Variants in ZNF618 observed in about 807,000 individuals in gnomAD.
The protein encoded by ZNF618 is neural precursor cell expressed, developmentally down-regulated 10.
Under a neutral mutation model 103.0 loss-of-function variants are expected in ZNF618, and 34 were observed. The ratio of observed to expected loss-of-function variants is 0.33; its 90% CI spans 0.25 to 0.44. The LOEUF is 0.44. Ranked by LOEUF, ZNF618 falls within the 20% of genes least tolerant of loss-of-function variation. The pLI, the probability that ZNF618 is intolerant of heterozygous loss-of-function variation, is 1.00. For synonymous variants in ZNF618, 551 were observed against 542.2 expected, an observed-to-expected ratio of 1.02 and a Z score of -0.23; for missense variants, 1,059 against 1,295.4, an observed-to-expected ratio of 0.82 and a Z score of 2.80.
At chr9:114,030,820 C>T (rs1245076008) in intron 11 of ZNF618, 1 of 152,162 alleles carries the variant, frequency 6.6e-6, no homozygotes, top group Non-Finnish European at 1.5e-5. Context: ...GTACTTGTGG[C>T]AAGGAAAGCT....
rs892877498 is a variant in ZNF618, at chr9:114,050,452, A to G, written c.*285A>G. The G allele has an allele frequency of 2.1e-3, 628 of 300,040 alleles. 1 individual carries two copies. Among genetic ancestry groups the G allele is most frequent in the African/African-American group, 0.01 (473 of 45,528 alleles). 18.6% of individuals were successfully genotyped at this position (300,040 alleles called of 1,614,324 possible). A position where few individuals can be genotyped will look rare whatever the true frequency, so the allele number is the denominator to read the frequency against. The stretch of plus-strand genomic sequence containing the variant: ...AAACTTTGCACACACGCACACACAC[A>G]CACACACACACACACACACACACGA... On this transcript the variant is annotated 3_prime_UTR_variant, in exon 15 of 15. Transcript: ENST00000374126.
At chr9:113,924,274 C>G (rs1046078349) in intron 1 of ZNF618, among the ~76,000 whole-genome samples, 2 of 151,802 alleles carry the variant, frequency 1.3e-5, no homozygotes, top group African/African-American at 4.8e-5. Context: ...GGAATTGGTC[C>G]ATTTTATCTA....
intron 6 of ZNF618, 79 bp downstream of exon 6, chr9:114,002,741 C>T: frequency 1.3e-6 from 2 of 1,509,138 alleles, no homozygotes; most frequent in Middle Eastern, 3.7e-4. Flanking sequence ...TTGTCCCCTC[C>T]CCCAGAACTG....
Position 114,015,971 on chromosome 9 carries a change from A to G in ZNF618, c.755-724A>G. 3 of 707,636 alleles carry G rather than the reference A, an allele frequency of 4.2e-6. No individual in the cohort carries two copies. The South Asian group carries it at 5.7e-5, about 13-fold the overall frequency. The allele number at this position is 707,636 out of a possible 1,614,324, so 43.8% of individuals were successfully genotyped here. A position where few individuals can be genotyped will look rare whatever the true frequency, so the allele number is the denominator to read the frequency against. On this transcript the variant is annotated intron_variant, in intron 9 of 14. Coordinates refer to ENST00000374126, the MANE Select transcript of ZNF618 (RefSeq NM_001318042.2). ...GTGAGAGAAGCGCACCCCAGATGAG[A>G]CAGAATGAAGAGTGGGGACCAGGGC...
chr9:114,041,172 G>A (rs1845143170), intron 13 of ZNF618, among the ~76,000 whole-genome samples: 1 of 152,096 alleles, frequency 6.6e-6, no homozygotes, highest in African/African-American at 2.4e-5. Context: ...CCTTTTTGAT[G>A]GGGTTGTTTT....
chr9:114,015,977 T>C lies in ZNF618; in HGVS notation c.755-718T>C, dbSNP rs1008550996. 17 of 729,426 alleles carry C rather than the reference T, an allele frequency of 2.3e-5. No individual in the cohort carries two copies. In the African/African-American group the frequency reaches 2.9e-4, roughly 12 times the overall value. The allele number at this position is 729,426 out of a possible 1,614,324, so 45.2% of individuals were successfully genotyped here. On this transcript the variant is annotated intron_variant, in intron 9 of 14. Coordinates refer to ENST00000374126, the MANE Select transcript of ZNF618 (RefSeq NM_001318042.2). Reference sequence around the variant, plus strand: ...GAAGCGCACCCCAGATGAGACAGAATGAAGAGTGGGGACCAGGGCACCCTC... The same window carrying C: ...GAAGCGCACCCCAGATGAGACAGAACGAAGAGTGGGGACCAGGGCACCCTC...
At chr9:114,011,109 G>A (rs1397920865) in intron 9 of ZNF618, among the ~76,000 whole-genome samples, 1 of 152,188 alleles carries the variant, frequency 6.6e-6, no homozygotes, top group Non-Finnish European at 1.5e-5. Flanking sequence ...ACCGAAATAG[G>A]ACTCCCAGCT....
intron 13 of ZNF618, among the ~76,000 whole-genome samples, chr9:114,044,582 A>G (rs1422279699): frequency 2.0e-5 from 3 of 152,088 alleles, no homozygotes; most frequent in Non-Finnish European, 4.4e-5. Flanking sequence ...GTGAAGAATA[A>G]TGATGTTGTT....
intron 1 of ZNF618, among the ~76,000 whole-genome samples, chr9:113,956,918 GTT>G (rs1836360000): frequency 6.6e-6 from 1 of 152,226 alleles, no homozygotes; most frequent in African/African-American, 2.4e-5. Flanking sequence ...AGTTCTGAGA[GTT>G]TTATGTATTA....
intron 1 of ZNF618, among the ~76,000 whole-genome samples, chr9:113,925,785 G>A (rs1245704871): frequency 6.6e-6 from 1 of 152,054 alleles, no homozygotes; most frequent in East Asian, 1.9e-4. Flanking sequence ...TTATAACAGA[G>A]TAGTCCCAAT....
intron 1 of ZNF618, among the ~76,000 whole-genome samples, chr9:113,924,592 T>G (rs1300528518): frequency 6.6e-6 from 1 of 151,602 alleles, no homozygotes; most frequent in East Asian, 1.9e-4. Flanking sequence ...TGCCTTTGGT[T>G]TATATTGTTC....
Position 114,048,988 on chromosome 9 carries a change from C to T in ZNF618, c.1686C>T (p.Ser562=), listed in dbSNP as rs41277731. ...TCHSQSVGPD[S]CYILTAYQAE... ...ACTCCCAGAGTGTTGGCCCTGACTC[C>T]TGCTACATCCTCACAGCCTACCAGG... The change falls in exon 15 of 15, where the codon TCC becomes TCT. Residue 562 remains serine (S), a synonymous_variant. Coordinates refer to ENST00000374126, the MANE Select transcript of ZNF618 (RefSeq NM_001318042.2). The T allele has an allele frequency of 4.8e-3, 7,714 of 1,613,336 alleles. 24 individuals are homozygous for T. The highest frequency in any genetic ancestry group is 0.017 in the Middle Eastern group (104 of 6,060).
chr9:113,936,297 A>C (rs924529074), intron 1 of ZNF618, among the ~76,000 whole-genome samples: 1 of 152,232 alleles, frequency 6.6e-6, no homozygotes, highest in Non-Finnish European at 1.5e-5. Context: ...TCAGTTCAAA[A>C]CTAGGAACAA....
intron 1 of ZNF618, among the ~76,000 whole-genome samples, chr9:113,960,932 C>T (rs758786822): frequency 2.6e-5 from 4 of 152,184 alleles, no homozygotes; most frequent in Non-Finnish European, 2.9e-5. Flanking sequence ...GTGGGTTGGG[C>T]CCTTCCTTCA....
Position 114,036,197 on chromosome 9 carries a change from C to A in ZNF618, c.1169-103C>A. 4 of 1,050,132 alleles carry A rather than the reference C, an allele frequency of 3.8e-6. No individual in the cohort carries two copies. The South Asian group carries it at 4.4e-5, about 11-fold the overall frequency. The allele number at this position is 1,050,132 out of a possible 1,614,324, so 65.1% of individuals were successfully genotyped here. On this transcript the variant is annotated intron_variant, in intron 12 of 14. Coordinates refer to ENST00000374126, the MANE Select transcript of ZNF618 (RefSeq NM_001318042.2). ...GGCCCGGAGCCCTGAGCACAGAGAC[C>A]CGGTGTGTGTTTGGGTTCCCACTTG...
chr9:114,007,455 C>T lies in ZNF618; in HGVS notation c.640+16C>T, dbSNP rs779377652. ...GCAGTGGATGGTGAGTCAGGCCCCT[C>T]ACTCCCTGGAGTCATGCCAAGAGGC... On this transcript the variant is annotated intron_variant, in intron 7 of 14. Transcript: ENST00000374126. 1 of 1,611,638 alleles carries T rather than the reference C, an allele frequency of 6.2e-7. No homozygotes were observed. Among genetic ancestry groups the T allele is most frequent in the African/African-American group, 1.3e-5 (1 of 74,836 alleles).
intron 1 of ZNF618, among the ~76,000 whole-genome samples, chr9:113,884,774 C>CAGAGAGAG (rs3034065): frequency 1.1e-4 from 16 of 142,160 alleles, no homozygotes; most frequent in Non-Finnish European, 1.7e-4. Flanking sequence ...CACAAACACA[C>CAGAGAGAG]AGAGAGAGAG....
At chr9:113,999,190 C>T (rs563332111) in intron 4 of ZNF618, among the ~76,000 whole-genome samples, 4 of 152,156 alleles carry the variant, frequency 2.6e-5, no homozygotes, top group African/African-American at 4.8e-5. Flanking sequence ...TCGGGCTGAG[C>T]GAGGCGCAGG....
chr9:113,882,200 C>T (rs931721546), intron 1 of ZNF618, among the ~76,000 whole-genome samples: 2 of 152,122 alleles, frequency 1.3e-5, no homozygotes, highest in African/African-American at 4.8e-5. Context: ...AGAGATTTTC[C>T]GAATCCACCC....
Sources: allele counts gnomAD v4.1 joint callset (sites outside exome capture counted in the v4.1 genomes callset), GRCh38; gene constraint gnomAD v4.1.1; transcripts MANE v1.5; gene names NCBI Gene and HGNC (gene_info 2026-07-23, HGNC 2026-07-21).